USP3: variants seen among roughly 807,000 people sequenced by gnomAD.
USP3 encodes ubiquitin specific peptidase 3, also known as ubiquitin carboxyl-terminal hydrolase 3.
USP3 carries 20 observed loss-of-function variants against 72.3 expected under a neutral mutation model. That is an observed-to-expected ratio of 0.28 (90% CI 0.19 to 0.40). USP3 has a LOEUF of 0.40. Among genes scored for constraint, USP3 ranks in the 10% least tolerant of loss-of-function variants. The pLI is 1.00. For synonymous variants in USP3, 222 were observed against 225.3 expected (o/e 0.99, Z 0.13); for missense variants, 479 against 633.9 (o/e 0.76, Z 2.62).
chr15:63,513,668 C>G (rs895856297), intron 1 of USP3, among the ~76,000 whole-genome samples: 1 of 152,286 alleles, frequency 6.6e-6, no homozygotes, highest in African/African-American at 2.4e-5. Context: ...AGCCACCAGT[C>G]TGGGTGGGTT....
chr15:63,533,502 T>G (rs2066109852), intron 2 of USP3, among the ~76,000 whole-genome samples: 1 of 152,194 alleles, frequency 6.6e-6, no homozygotes, highest in Non-Finnish European at 1.5e-5. Flanking sequence ...ACTGCTCTTC[T>G]AGCTTAGAAA....
chr15:63,565,824 C>CT (rs2066680850), intron 8 of USP3, among the ~76,000 whole-genome samples: 4 of 152,322 alleles, frequency 2.6e-5, no homozygotes, highest in South Asian at 2.1e-4. Flanking sequence ...CTAAACAGTG[C>CT]TGCAGTGAGT....
chr15:63,570,911 A>G lies in USP3; in HGVS notation c.908+332A>G, dbSNP rs2066768761. Among the ~76,000 whole-genome samples the G allele has an allele frequency of 6.6e-6, 1 of 152,236 alleles. No homozygotes were observed. Among genetic ancestry groups the G allele is most frequent in the Non-Finnish European group, 1.5e-5 (1 of 68,040 alleles). On this transcript the variant is annotated intron_variant, in intron 9 of 14. Transcript: ENST00000380324. This position sits in a 1 kb window ranked among gnomAD's most constrained non-coding sequence, Gnocchi z 4.4. ...ATGATAGGCAGGAGACTTAATTTTCATATACCAAAATAATATTTGTTCACT... is the reference window on the plus strand; with the variant it reads ...ATGATAGGCAGGAGACTTAATTTTCGTATACCAAAATAATATTTGTTCACT...
chr15:63,580,773 C>A (rs2066943891), intron 11 of USP3, among the ~76,000 whole-genome samples: 1 of 151,172 alleles, frequency 6.6e-6, no homozygotes, highest in Non-Finnish European at 1.5e-5. Flanking sequence ...TATTAAGCAG[C>A]TTCCTCAGAT....
rs2066768155 is a variant in USP3 at position 63,570,861 on chromosome 15, A to G, written c.908+282A>G. On this transcript the variant is annotated intron_variant, in intron 9 of 14. Transcript: ENST00000380324. The surrounding 1 kb of genome is among the most constrained non-coding windows in gnomAD (Gnocchi z 4.4). ...AAAATATTTGTACAGTTCAGCATTT[A>G]GAAGATTTCCTCCAAATATACTGAA... Among the ~76,000 whole-genome samples, 1 of 152,242 alleles carries G rather than the reference A, an allele frequency of 6.6e-6. No homozygotes were observed. Among genetic ancestry groups the G allele is most frequent in the Non-Finnish European group, 1.5e-5 (1 of 68,038 alleles).
chr15:63,545,499 C>T (rs539877320), intron 3 of USP3, among the ~76,000 whole-genome samples: 1 of 152,144 alleles, frequency 6.6e-6, no homozygotes, highest in African/African-American at 2.4e-5. Context: ...CACCAATATT[C>T]TTCTTACCTT....
At chr15:63,527,342 C>T (rs989061260) in intron 1 of USP3, among the ~76,000 whole-genome samples, 3 of 152,218 alleles carry the variant, frequency 2.0e-5, no homozygotes, top group African/African-American at 4.8e-5. Flanking sequence ...TCCCGGTCAT[C>T]TGATCCTCAT....
intron 8 of USP3, among the ~76,000 whole-genome samples, chr15:63,564,965 A>T (rs971618040): frequency 1.3e-5 from 2 of 152,190 alleles, no homozygotes; most frequent in Admixed American, 1.3e-4. Context: ...TACAGCTCTT[A>T]CCCTGTGAGG....
In USP3 at chr15:63,528,186, G is replaced by A. The variant is rs909396995; in HGVS notation, c.92-4461G>A. On this transcript the variant is annotated intron_variant, in intron 1 of 14. Coordinates refer to ENST00000380324, the MANE Select transcript of USP3 (RefSeq NM_006537.4). This position sits in a 1 kb window ranked among gnomAD's most constrained non-coding sequence, Gnocchi z 4.3. Reference sequence around the variant, plus strand: ...TGAGAAGTGAGACACTGCAGTCAGGGTTGGAAGAATCCAAGTAAACCGAAG... The same window carrying A: ...TGAGAAGTGAGACACTGCAGTCAGGATTGGAAGAATCCAAGTAAACCGAAG... The A allele has an allele frequency of 1.3e-5, 2 of 152,260 alleles. No homozygotes were observed. Among genetic ancestry groups the A allele is most frequent in the African/African-American group, 4.8e-5 (2 of 41,466 alleles). 9.4% of individuals were successfully genotyped at this position (152,260 alleles called of 1,614,324 possible).
chr15:63,593,386 T>C lies in USP3; in HGVS notation c.*2560T>C, dbSNP rs896721731. On this transcript the variant is annotated 3_prime_UTR_variant, in exon 15 of 15. Transcript: ENST00000380324. The stretch of plus-strand genomic sequence containing the variant: ...GCTTAGAAGGTAGACAGCTGTAACC[T>C]CTAACATTGATACTTCGATCTTCAG... 1 of 152,216 alleles carries C rather than the reference T, an allele frequency of 6.6e-6. No homozygotes were observed. The highest frequency in any genetic ancestry group is 2.4e-5 in the African/African-American group (1 of 41,454). 9.4% of individuals were successfully genotyped at this position (152,216 alleles called of 1,614,324 possible).
intron 1 of USP3, among the ~76,000 whole-genome samples, chr15:63,507,104 T>G (rs1425099423): frequency 6.6e-6 from 1 of 152,210 alleles, no homozygotes; most frequent in Admixed American, 6.5e-5. Context: ...ATTTTATTTT[T>G]GTTTTTTTCA....
At chr15:63,565,826 G>GC (rs1210816988) in intron 8 of USP3, among the ~76,000 whole-genome samples, 8 of 152,188 alleles carry the variant, frequency 5.3e-5, no homozygotes, top group African/African-American at 1.9e-4. Context: ...AAACAGTGCT[G>GC]CAGTGAGTAG....
chr15:63,528,919 T>C lies in USP3; in HGVS notation c.92-3728T>C. 1.1e-6 allele frequency: 1 copy of C among 949,288 alleles called. No homozygotes were observed. The highest frequency in any genetic ancestry group is 1.4e-6 in the Non-Finnish European group (1 of 708,638). 58.8% of individuals were successfully genotyped at this position (949,288 alleles called of 1,614,324 possible). ...GTACATTAAAGGTTCTTAATTTGGA[T>C]GAAGCATGTATAAACAGAGTGAATA... On this transcript the variant is annotated intron_variant, in intron 1 of 14. Transcript: ENST00000380324. This position sits in a 1 kb window ranked among gnomAD's most constrained non-coding sequence, Gnocchi z 4.3.
intron 1 of USP3, among the ~76,000 whole-genome samples, chr15:63,505,034 C>T (rs1308686667): frequency 1.3e-5 from 2 of 150,652 alleles, no homozygotes; most frequent in Non-Finnish European, 3.0e-5. Context: ...GCCCGACGGC[C>T]GGGCCAGCGA....
chr15:63,534,010 A>G, intron 2 of USP3: 2 of 360,008 alleles, frequency 5.6e-6, no homozygotes, highest in Middle Eastern at 1.3e-3. Flanking sequence ...TCATGTGCCA[A>G]TCAAAAGACC....
chr15:63,583,033 G>A (rs1008040196), intron 11 of USP3, among the ~76,000 whole-genome samples: 2 of 152,142 alleles, frequency 1.3e-5, no homozygotes, highest in Admixed American at 6.5e-5. Flanking sequence ...TGCCAACTCA[G>A]TAGTAGCCCT....
chr15:63,589,110 G>A (rs1443681369), intron 14 of USP3, 99 bp downstream of exon 14: 2 of 1,383,630 alleles, frequency 1.4e-6, no homozygotes, highest in Non-Finnish European at 1.0e-6. Flanking sequence ...CCTAAAAAAT[G>A]GATTCAGATA....
At chr15:63,520,623 A>G (rs1367127523) in intron 1 of USP3, among the ~76,000 whole-genome samples, 1 of 126,474 alleles carries the variant, frequency 7.9e-6, no homozygotes, top group African/African-American at 3.1e-5. Context: ...GAGTGCAATG[A>G]TGCAATCTCG....
Position 63,504,669 on chromosome 15 carries a change from T to G in USP3, c.-71T>G. 7.5e-7 allele frequency: 1 copy of G among 1,342,210 alleles called. No individual in the cohort carries two copies. The highest frequency in any genetic ancestry group is 1.0e-6 in the Non-Finnish European group (1 of 997,644). The allele number at this position is 1,342,210 out of a possible 1,614,324, so 83.1% of individuals were successfully genotyped here. ...GCTAGAAGCGACACCAGACGGAGCC[T>G]CCGGAGTTCCTCCGCCCCCACCTCG... On this transcript the variant is annotated 5_prime_UTR_variant, in exon 1 of 15. Transcript: ENST00000380324.
Sources: gnomAD v4.1 joint callset for allele counts (sites outside exome capture counted in the v4.1 genomes callset) on GRCh38, gnomAD v4.1.1 for gene constraint, Gnocchi (gnomAD v3.1) non-coding constraint, MANE v1.5 for transcripts, NCBI Gene and HGNC (gene_info 2026-07-23, HGNC 2026-07-21) for gene names.